The following DHX15 variants were observed in gnomAD, a reference collection of about 807,000 sequenced individuals.
DHX15 encodes the protein DEAH-box helicase 15.
A neutral mutation model predicts 94.4 loss-of-function variants in DHX15; 11 were observed. The observed-to-expected ratio is 0.12, with a 90% CI of 0.07 to 0.19. The LOEUF (loss-of-function observed/expected upper bound fraction) is 0.19. DHX15 is among the 10% of genes least tolerant of loss of function. The pLI, the probability that DHX15 is intolerant of heterozygous loss-of-function variation, is 1.00. For missense variants in DHX15, 304 were observed against 988.5 expected (o/e 0.31, Z 9.29); for synonymous variants, 338 against 329.9 (o/e 1.02, Z -0.27).
At chr4:24,574,433 T>C (rs1242068591) in intron 2 of DHX15, among the ~76,000 whole-genome samples, 2 of 152,054 alleles carry the variant, frequency 1.3e-5, no homozygotes, top group African/African-American at 2.4e-5. Context: ...GTATCTTAAT[T>C]ACCCCTCTAA....
chr4:24,573,269 G>A (rs1285694832), intron 2 of DHX15, among the ~76,000 whole-genome samples: 1 of 152,136 alleles, frequency 6.6e-6, no homozygotes, highest in Non-Finnish European at 1.5e-5. Context: ...CTCCACTTGA[G>A]GGCATCTTAA....
intron 3 of DHX15, among the ~76,000 whole-genome samples, chr4:24,559,412 G>A (rs986147720): frequency 6.8e-6 from 1 of 146,016 alleles, no homozygotes; most frequent in Non-Finnish European, 1.5e-5. Flanking sequence ...AGTACTTGAC[G>A]ATTTGCTATA....
chr4:24,535,421 G>A (rs548735660), intron 11 of DHX15, among the ~76,000 whole-genome samples: 28 of 152,098 alleles, frequency 1.8e-4, no homozygotes, highest in South Asian at 4.1e-4. Context: ...AGCATGTTTC[G>A]CATAGAAGAG....
intron 1 of DHX15, among the ~76,000 whole-genome samples, chr4:24,582,597 C>A (rs904280994): frequency 1.7e-4 from 26 of 152,166 alleles, no homozygotes; most frequent in Non-Finnish European, 3.1e-4. Flanking sequence ...CCCTACTTTA[C>A]CAACGCATTA....
chr4:24,573,200 T>C (rs940012038), intron 2 of DHX15, among the ~76,000 whole-genome samples: 1 of 152,230 alleles, frequency 6.6e-6, no homozygotes, highest in Non-Finnish European at 1.5e-5. Context: ...CATGGGCCAC[T>C]GTACCCAGCC....
At chr4:24,572,972 G>A (rs556259844) in intron 2 of DHX15, among the ~76,000 whole-genome samples, 135 of 152,234 alleles carry the variant, frequency 8.9e-4, no homozygotes, top group East Asian at 5.2e-3. Flanking sequence ...GTGCAGGGGC[G>A]CAATCTAGGC....
In DHX15 at chr4:24,570,999, C is replaced by A. The variant is rs140804392; in HGVS notation, c.508-152G>T. ...TTGTGATTCAAAACTTGTAACAACA[C>A]AAGCTCTCTAAACCAAGGAACAGTT... is the stretch of plus-strand genomic sequence containing the variant. On this transcript the variant is annotated intron_variant, in intron 2 of 13. Coordinates refer to ENST00000336812, the MANE Select transcript of DHX15 (RefSeq NM_001358.3). The A allele has an allele frequency of 5.3e-5, 42 of 791,448 alleles. No individual in the cohort carries two copies. In the African/African-American group the frequency reaches 5.6e-4, roughly 10 times the overall value. The allele number at this position is 791,448 out of a possible 1,614,324, so 49.0% of individuals were successfully genotyped here. A position where few individuals can be genotyped will look rare whatever the true frequency, so the allele number is the denominator to read the frequency against.
At chr4:24,555,693 G>T (rs2109407685) in intron 4 of DHX15, among the ~76,000 whole-genome samples, 1 of 152,254 alleles carries the variant, frequency 6.6e-6, no homozygotes, top group Non-Finnish European at 1.5e-5. Context: ...GCAAAAAGGG[G>T]AACATCATAG....
At chr4:24,535,254 G>A (rs1394159531) in intron 11 of DHX15, among the ~76,000 whole-genome samples, 2 of 152,100 alleles carry the variant, frequency 1.3e-5, no homozygotes, top group African/African-American at 4.8e-5. Context: ...TATTTTATTA[G>A]TTGTATTTTG....
rs749825474 is a variant in DHX15 at position 24,556,244 on chromosome 4, A to C, written c.861+7T>G. On this transcript the variant is annotated splice_region_variant and intron_variant, in intron 4 of 13. Coordinates refer to ENST00000336812, the MANE Select transcript of DHX15 (RefSeq NM_001358.3). ...TATAGTTAAATGGAGAGAAGAAATT[A>C]CTTCACCTTTAAATCTGATCTCTGT... The C allele has an allele frequency of 1.2e-6, 2 of 1,612,580 alleles. No individual in the cohort carries two copies. The highest frequency in any genetic ancestry group is 3.3e-5 in the Admixed American group (2 of 59,998).
intron 3 of DHX15, among the ~76,000 whole-genome samples, chr4:24,565,159 C>T (rs1304132867): frequency 6.6e-6 from 1 of 152,170 alleles, no homozygotes; most frequent in Non-Finnish European, 1.5e-5. Flanking sequence ...GTAGGTTCTA[C>T]TTAATATTTT....
In DHX15 at chr4:24,584,492, TC is replaced by T; in HGVS notation, c.-100del. ...CTTAACTCTGGAGGACCCCCACCCC[TC>T]CCGCTACTACAGCCCACACGGTGCG... On this transcript the variant is annotated 5_prime_UTR_variant, in exon 1 of 14. Coordinates refer to ENST00000336812, the MANE Select transcript of DHX15 (RefSeq NM_001358.3). The T allele has an allele frequency of 8.5e-7, 1 of 1,173,598 alleles. No homozygotes were observed. Among genetic ancestry groups the T allele is most frequent in the East Asian group, 3.0e-5 (1 of 33,716 alleles). 72.7% of individuals were successfully genotyped at this position (1,173,598 alleles called of 1,614,324 possible).
chr4:24,548,245 C>T (rs1466537125), intron 6 of DHX15, among the ~76,000 whole-genome samples: 2 of 149,280 alleles, frequency 1.3e-5, no homozygotes, highest in Admixed American at 6.8e-5. Context: ...AGGGTTCAAG[C>T]GATTCTCCTG....
At chr4:24,574,252 TG>T (rs1722192951) in intron 2 of DHX15, among the ~76,000 whole-genome samples, 1 of 148,362 alleles carries the variant, frequency 6.7e-6, no homozygotes, top group African/African-American at 2.5e-5. Context: ...CTTTAGATTT[TG>T]TTTAGAGAAT....
At chr4:24,550,105 A>AAAAAAAAAAAAC in intron 5 of DHX15, among the ~76,000 whole-genome samples, 3 of 129,088 alleles carry the variant, frequency 2.3e-5, no homozygotes. Context: ...AAAAAAAAAA[A>AAAAAAAAAAAAC]AAAAAAAAAA....
chr4:24,541,212 G>A (rs1385084668), intron 8 of DHX15, among the ~76,000 whole-genome samples: 3 of 152,044 alleles, frequency 2.0e-5, no homozygotes, highest in African/African-American at 7.2e-5. Context: ...ATCTGAACTC[G>A]CAATTTCCAT....
intron 11 of DHX15, among the ~76,000 whole-genome samples, chr4:24,534,572 A>G (rs558615739): frequency 2.0e-5 from 3 of 152,310 alleles, no homozygotes; most frequent in South Asian, 4.1e-4. Context: ...TCTCTCACCA[A>G]TACAGTAAAC....
intron 6 of DHX15, among the ~76,000 whole-genome samples, chr4:24,543,760 C>T (rs969668285): frequency 6.6e-6 from 1 of 152,156 alleles, no homozygotes; most frequent in South Asian, 2.1e-4. Context: ...TTGGGAAATA[C>T]ATGTTACATA....
intron 6 of DHX15, among the ~76,000 whole-genome samples, chr4:24,545,241 G>GA (rs1721399397): frequency 6.6e-6 from 1 of 152,060 alleles, no homozygotes; most frequent in South Asian, 2.1e-4. Flanking sequence ...GTTGTTCTGG[G>GA]AAAAAATACA....
Sources: allele counts gnomAD v4.1 joint callset (sites outside exome capture counted in the v4.1 genomes callset), GRCh38; gene constraint gnomAD v4.1.1; transcripts MANE v1.5; gene names NCBI Gene and HGNC (gene_info 2026-07-23, HGNC 2026-07-21).